The following ADAM22 variants were observed in gnomAD, a reference collection of about 807,000 sequenced individuals.
The protein encoded by ADAM22 is disintegrin and metalloproteinase domain-containing protein 22.
ADAM22 carries 65 observed loss-of-function variants against 144.6 expected under a neutral mutation model. The observed-to-expected ratio is 0.45, with a 90% confidence interval of 0.37 to 0.55. The LOEUF is 0.55. Ranked by LOEUF, ADAM22 falls within the 20% of genes least tolerant of loss-of-function variation. ADAM22 has a pLI of 0.00. For missense variants in ADAM22, 974 were observed against 1,184.9 expected (o/e 0.82, Z 2.61); for synonymous variants, 391 against 412.6 (o/e 0.95, Z 0.63).
intron 3 of ADAM22, among the ~76,000 whole-genome samples, chr7:88,030,841 G>T (rs1174620733): frequency 6.6e-6 from 1 of 152,182 alleles, no homozygotes; most frequent in African/African-American, 2.4e-5. Flanking sequence ...TCTCGGCCGG[G>T]CACGGTGGCT....
chr7:88,020,814 C>A (rs1246893483), intron 3 of ADAM22, among the ~76,000 whole-genome samples: 1 of 152,078 alleles, frequency 6.6e-6, no homozygotes, highest in Non-Finnish European at 1.5e-5. Flanking sequence ...TTCAGTGAGA[C>A]CATTTACAAA....
intron 3 of ADAM22, among the ~76,000 whole-genome samples, chr7:88,056,556 G>C (rs1481783869): frequency 6.6e-6 from 1 of 152,120 alleles, no homozygotes; most frequent in Admixed American, 6.6e-5. Flanking sequence ...GGAATACAAT[G>C]GTTCATCAGA....
At chr7:87,979,846 A>G (rs1852871386) in intron 3 of ADAM22, among the ~76,000 whole-genome samples, 2 of 152,162 alleles carry the variant, frequency 1.3e-5, no homozygotes, top group South Asian at 4.1e-4. Context: ...AGCTGCATGT[A>G]GATACTAGGT....
At chr7:88,084,219 G>T (rs1418950340) in intron 4 of ADAM22, among the ~76,000 whole-genome samples, 2 of 152,064 alleles carry the variant, frequency 1.3e-5, no homozygotes, top group Non-Finnish European at 2.9e-5. Flanking sequence ...ACTTCACTCT[G>T]GGATCTTAAG....
intron 3 of ADAM22, among the ~76,000 whole-genome samples, chr7:88,057,856 G>A (rs1413245676): frequency 6.6e-6 from 1 of 152,160 alleles, no homozygotes; most frequent in Non-Finnish European, 1.5e-5. Flanking sequence ...GAGATAAATG[G>A]TGAGACATAA....
chr7:87,988,920 G>A (rs74406060), intron 3 of ADAM22, among the ~76,000 whole-genome samples: 5,577 of 152,002 alleles, frequency 0.037, 374 homozygotes, highest in African/African-American at 0.13. Context: ...TTTTAAAAGA[G>A]AAATTGTAGT....
intron 29 of ADAM22, among the ~76,000 whole-genome samples, chr7:88,183,394 GC>G (rs1178329140): frequency 1.3e-5 from 2 of 151,926 alleles, no homozygotes; most frequent in African/African-American, 4.8e-5. Flanking sequence ...TGTTCTAACA[GC>G]ATTTCCTATA....
intron 4 of ADAM22, among the ~76,000 whole-genome samples, chr7:88,096,434 C>G (rs1024252435): frequency 1.3e-5 from 2 of 151,538 alleles, no homozygotes; most frequent in Non-Finnish European, 2.9e-5. Context: ...AAAATTTACT[C>G]AAGTACCATT....
At chr7:88,036,952 G>A (rs777884217) in intron 3 of ADAM22, among the ~76,000 whole-genome samples, 1 of 151,946 alleles carries the variant, frequency 6.6e-6, no homozygotes, top group Non-Finnish European at 1.5e-5. Flanking sequence ...GGTAGAATTT[G>A]TAGTCTTCCC....
intron 22 of ADAM22, among the ~76,000 whole-genome samples, chr7:88,160,118 G>A (rs138692553): frequency 6.4e-4 from 98 of 152,112 alleles, no homozygotes; most frequent in African/African-American, 2.2e-3. Flanking sequence ...CAATAGCCAA[G>A]CTGAGGGTCA....
At chr7:88,191,315 C>T (rs1167311609) in intron 30 of ADAM22, among the ~76,000 whole-genome samples, 2 of 152,230 alleles carry the variant, frequency 1.3e-5, no homozygotes, top group Non-Finnish European at 2.9e-5. Flanking sequence ...GCTGGAATGA[C>T]TGTGAAGCTA....
At chr7:87,946,139 G>T (rs763804779) in intron 2 of ADAM22, among the ~76,000 whole-genome samples, 1 of 152,074 alleles carries the variant, frequency 6.6e-6, no homozygotes, top group Non-Finnish European at 1.5e-5. Context: ...TAGTGATGTT[G>T]AGCATTTTTT....
intron 29 of ADAM22, chr7:88,186,391 A>G (rs1452150151): frequency 2.0e-6 from 1 of 509,858 alleles, no homozygotes; most frequent in Non-Finnish European, 3.5e-6. Flanking sequence ...TTTCCCAGAA[A>G]TGTTGAATAT....
At chr7:87,963,174 C>T (rs1052522797) in intron 2 of ADAM22, among the ~76,000 whole-genome samples, 6 of 151,928 alleles carry the variant, frequency 3.9e-5, no homozygotes, top group South Asian at 2.1e-4. Flanking sequence ...GTGGTGGAGA[C>T]GGTGAGGCAT....
chr7:88,044,528 C>T (rs1804017816), intron 3 of ADAM22, among the ~76,000 whole-genome samples: 1 of 151,992 alleles, frequency 6.6e-6, no homozygotes, highest in Admixed American at 6.6e-5. Context: ...CTCACTGCAA[C>T]CTCCCCTTCC....
intron 2 of ADAM22, among the ~76,000 whole-genome samples, chr7:87,969,818 G>C (rs890851102): frequency 6.6e-6 from 1 of 152,206 alleles, no homozygotes; most frequent in African/African-American, 2.4e-5. Flanking sequence ...ACTAAATGCA[G>C]ATGGTTGGAT....
chr7:87,974,032 A>G (rs1851231592), intron 2 of ADAM22, among the ~76,000 whole-genome samples: 1 of 151,998 alleles, frequency 6.6e-6, no homozygotes. Context: ...GCACATGTAT[A>G]CATATGTAAC....
chr7:87,937,189 C>G (rs571541145), intron 2 of ADAM22, among the ~76,000 whole-genome samples: 1 of 152,246 alleles, frequency 6.6e-6, no homozygotes, highest in African/African-American at 2.4e-5. Context: ...AACTCCTGGG[C>G]TCAAATCATC....
At chr7:88,136,416 T>C (rs1467096039) in intron 14 of ADAM22, among the ~76,000 whole-genome samples, 1 of 152,182 alleles carries the variant, frequency 6.6e-6, no homozygotes, top group African/African-American at 2.4e-5. Flanking sequence ...CTCACATTTC[T>C]GAGGTGTAAA....
Sources: allele counts gnomAD v4.1 joint callset (sites outside exome capture counted in the v4.1 genomes callset), GRCh38; gene constraint gnomAD v4.1.1; transcripts MANE v1.5; gene names NCBI Gene and HGNC (gene_info 2026-07-23, HGNC 2026-07-21).